Variants in DLGAP1 observed in about 807,000 individuals in gnomAD.
The protein encoded by DLGAP1 is disks large-associated protein 1.
In DLGAP1, 11 loss-of-function variants were observed where a neutral mutation model predicts 90.8. The observed-to-expected ratio is 0.12, with a 90% CI of 0.08 to 0.20. DLGAP1 has a LOEUF of 0.20. Ranked by LOEUF, DLGAP1 falls within the 10% of genes least tolerant of loss-of-function variation. The pLI, the probability that DLGAP1 is intolerant of heterozygous loss-of-function variation, is 1.00. For missense variants in DLGAP1, 1,050 were observed against 1,333.8 expected, an observed-to-expected ratio of 0.79 and a Z score of 3.31; for synonymous variants, 558 against 540.7, an observed-to-expected ratio of 1.03 and a Z score of -0.44.
rs889930657 is a variant in DLGAP1, at chr18:3,727,826, T to G, written c.1591+1309A>C. On this transcript the variant is annotated intron_variant, in intron 7 of 12. Coordinates refer to ENST00000315677, the MANE Select transcript of DLGAP1 (RefSeq NM_004746.4). The surrounding 1 kb of genome is among the most constrained non-coding windows in gnomAD (Gnocchi z 4.7). The stretch of plus-strand genomic sequence containing the variant: ...AGCAAGAATATACGGACATCTACCA[T>G]CTCTGGTCTGGAGGTAGCCAGCCAG... 2.0e-5 allele frequency: 3 copies of G among 152,168 alleles called. No homozygotes were observed. The highest frequency in any genetic ancestry group is 2.9e-5 in the Non-Finnish European group (2 of 68,032). 9.4% of individuals were successfully genotyped at this position (152,168 alleles called of 1,614,324 possible).
chr18:3,648,974 G>A lies in DLGAP1; in HGVS notation c.1592-66726C>T, dbSNP rs540120147. Among the ~76,000 whole-genome samples, 4 of 152,282 alleles carry A rather than the reference G, an allele frequency of 2.6e-5. No homozygotes were observed. In the South Asian group the frequency reaches 8.3e-4, roughly 32 times the overall value. On this transcript the variant is annotated intron_variant, in intron 7 of 12. Coordinates refer to ENST00000315677, the MANE Select transcript of DLGAP1 (RefSeq NM_004746.4). Reference sequence around the variant, plus strand: ...AATTTGTTGTTAAGTGCTCAAGGCCGCTTATTCAGCACAGATTTGATTAGT... The same window carrying A: ...AATTTGTTGTTAAGTGCTCAAGGCCACTTATTCAGCACAGATTTGATTAGT...
chr18:4,042,116 C>A (rs552063116), intron 2 of DLGAP1, among the ~76,000 whole-genome samples: 1 of 152,034 alleles, frequency 6.6e-6, no homozygotes, highest in African/African-American at 2.4e-5. Flanking sequence ...ATTGATGTGC[C>A]ACATTTCATT....
At chr18:4,232,278 T>C (rs970218838) in intron 1 of DLGAP1, among the ~76,000 whole-genome samples, 7 of 152,158 alleles carry the variant, frequency 4.6e-5, no homozygotes, top group African/African-American at 1.7e-4. Flanking sequence ...TCCTTAAATT[T>C]TTTTTTAAAA....
At chr18:3,632,843 TGAG>T (rs1336056070) in intron 7 of DLGAP1, among the ~76,000 whole-genome samples, 1 of 152,194 alleles carries the variant, frequency 6.6e-6, no homozygotes, top group African/African-American at 2.4e-5. Context: ...AAATTTGGGC[TGAG>T]GTTTGAATGA....
At chr18:3,609,402 T>C (rs2057487642) in intron 7 of DLGAP1, among the ~76,000 whole-genome samples, 1 of 152,198 alleles carries the variant, frequency 6.6e-6, no homozygotes, top group Non-Finnish European at 1.5e-5. Flanking sequence ...TAAATAAATT[T>C]GCTTATTTTT....
chr18:4,035,982 A>T (rs186572744), intron 2 of DLGAP1, among the ~76,000 whole-genome samples: 71 of 152,290 alleles, frequency 4.7e-4, no homozygotes, highest in African/African-American at 1.7e-3. Context: ...AGTGTCCAAG[A>T]GGACACTTAG....
chr18:3,514,357 G>T (rs920477657), intron 10 of DLGAP1, among the ~76,000 whole-genome samples: 1 of 152,168 alleles, frequency 6.6e-6, no homozygotes, highest in African/African-American at 2.4e-5. Flanking sequence ...AAACAGAGAA[G>T]AATAGACATA....
intron 3 of DLGAP1, among the ~76,000 whole-genome samples, chr18:3,971,598 A>G (rs868536812): frequency 3.3e-5 from 5 of 152,332 alleles, no homozygotes; most frequent in Middle Eastern, 6.8e-3. Flanking sequence ...GTGTTTGCAG[A>G]CTGCATTTTA....
chr18:4,371,222 C>A (rs1478767167), intron 1 of DLGAP1, among the ~76,000 whole-genome samples: 1 of 152,084 alleles, frequency 6.6e-6, no homozygotes, highest in Non-Finnish European at 1.5e-5. Flanking sequence ...ACAAAACAGA[C>A]AAATGAATAT....
chr18:4,091,888 C>A (rs538403620), intron 2 of DLGAP1, among the ~76,000 whole-genome samples: 2 of 95,812 alleles, frequency 2.1e-5, no homozygotes, highest in African/African-American at 7.7e-5. Flanking sequence ...GCCTCTTGAT[C>A]ATGTTTTTTT....
In DLGAP1 at chr18:3,565,219, G is replaced by A. The variant is rs958838429; in HGVS notation, c.2057+2271C>T. The stretch of plus-strand genomic sequence containing the variant: ...GCTGGAGCGCAATGGCGTCATCTTG[G>A]CTCACTGCAATCTCTGCCTCCTGGG... On this transcript the variant is annotated intron_variant, in intron 9 of 12. Coordinates refer to ENST00000315677, the MANE Select transcript of DLGAP1 (RefSeq NM_004746.4). The surrounding 1 kb of genome is among the most constrained non-coding windows in gnomAD (Gnocchi z 4.0). Among the ~76,000 whole-genome samples, 1 of 152,094 alleles carries A rather than the reference G, an allele frequency of 6.6e-6. No individual in the cohort carries two copies. The highest frequency in any genetic ancestry group is 1.5e-5 in the Non-Finnish European group (1 of 68,018).
chr18:3,741,183 CA>C (rs1397030253), intron 6 of DLGAP1, among the ~76,000 whole-genome samples: 3 of 86,422 alleles, frequency 3.5e-5, no homozygotes, highest in Non-Finnish European at 5.0e-5. Flanking sequence ...TCACCACCAC[CA>C]CCACCACCAC....
intron 1 of DLGAP1, among the ~76,000 whole-genome samples, chr18:4,177,928 T>C (rs1484853832): frequency 1.3e-5 from 2 of 152,116 alleles, no homozygotes; most frequent in Non-Finnish European, 2.9e-5. Flanking sequence ...GCAATAAACA[T>C]ACAGGTGCAT....
At position 3,909,335 on chromosome 18, in the gene DLGAP1, G is replaced by T. The variant is rs2071982667; in HGVS notation, c.-72-29195C>A. 2.0e-5 allele frequency among the ~76,000 whole-genome samples: 3 copies of T among 152,124 alleles called. No homozygotes were observed. The South Asian group carries it at 6.2e-4, about 31-fold the overall frequency. On this transcript the variant is annotated intron_variant, in intron 3 of 12. Coordinates refer to ENST00000315677, the MANE Select transcript of DLGAP1 (RefSeq NM_004746.4). Reference sequence around the variant, plus strand: ...AGACTCAAGATCCCAAAAACAAAGTGGTTAAAGTTAAGGTTTCAGTCTTTG... The same window carrying T: ...AGACTCAAGATCCCAAAAACAAAGTTGTTAAAGTTAAGGTTTCAGTCTTTG...
intron 1 of DLGAP1, among the ~76,000 whole-genome samples, chr18:4,333,111 C>T (rs569030769): frequency 6.6e-6 from 1 of 152,080 alleles, no homozygotes; most frequent in African/African-American, 2.4e-5. Flanking sequence ...AATTCAATGG[C>T]TAAAAACTAT....
intron 3 of DLGAP1, among the ~76,000 whole-genome samples, chr18:3,943,887 G>A (rs1247346177): frequency 5.3e-5 from 8 of 152,106 alleles, no homozygotes; most frequent in Non-Finnish European, 7.4e-5. Context: ...CACACAGGGA[G>A]GACCATGTGA....
intron 1 of DLGAP1, among the ~76,000 whole-genome samples, chr18:4,234,350 C>G (rs922808323): frequency 2.0e-5 from 3 of 152,120 alleles, no homozygotes; most frequent in Admixed American, 1.3e-4. Context: ...TTAATAAGCT[C>G]TGTTTAAATT....
rs1457241401 is a variant in DLGAP1 at position 3,660,294 on chromosome 18, T to C, written c.1591+68841A>G. 6.6e-6 allele frequency among the ~76,000 whole-genome samples: 1 copy of C among 152,204 alleles called. No individual in the cohort carries two copies. Among genetic ancestry groups the C allele is most frequent in the Non-Finnish European group, 1.5e-5 (1 of 68,036 alleles). On this transcript the variant is annotated intron_variant, in intron 7 of 12. Coordinates refer to ENST00000315677, the MANE Select transcript of DLGAP1 (RefSeq NM_004746.4). This position sits in a 1 kb window ranked among gnomAD's most constrained non-coding sequence, Gnocchi z 4.2. ...AAGTAGCAGGGACTACAGGTACCTGTCACCACAACTGGCTTTCTTTTATTT... is the reference window on the plus strand; with the variant it reads ...AAGTAGCAGGGACTACAGGTACCTGCCACCACAACTGGCTTTCTTTTATTT...
At chr18:3,673,508 A>G (rs1187023173) in intron 7 of DLGAP1, among the ~76,000 whole-genome samples, 1 of 152,190 alleles carries the variant, frequency 6.6e-6, no homozygotes, top group Non-Finnish European at 1.5e-5. Flanking sequence ...TTTAATAACT[A>G]TTGTTAGCAC....
Sources: allele counts gnomAD v4.1 joint callset (sites outside exome capture counted in the v4.1 genomes callset), GRCh38; gene constraint gnomAD v4.1.1; non-coding constraint Gnocchi (gnomAD v3.1); transcripts MANE v1.5; gene names NCBI Gene and HGNC (gene_info 2026-07-23, HGNC 2026-07-21).